The following LRBA variants were observed in gnomAD, a reference collection of about 807,000 sequenced individuals.
The protein encoded by LRBA is LPS responsive beige-like anchor protein.
A neutral mutation model predicts 330.0 loss-of-function variants in LRBA; 176 were observed. The observed-to-expected ratio is 0.53, with a 90% confidence interval of 0.47 to 0.60. LRBA has a LOEUF of 0.60. Among genes scored for constraint, LRBA ranks in the 20% least tolerant of loss-of-function variants. The probability of loss-of-function intolerance (pLI) is 0.00; values close to 1 mark genes in which losing one functional copy is unlikely to be tolerated. For missense variants in LRBA, 3,259 were observed against 3,444.8 expected, an observed-to-expected ratio of 0.95 and a Z score of 1.35; for synonymous variants, 1,230 against 1,193.0, an observed-to-expected ratio of 1.03 and a Z score of -0.64.
Position 150,871,184 on chromosome 4 carries a change from A to G in LRBA, c.2367+161T>C, listed in dbSNP as rs571862072. ...CTTGAACCCGGGAGGTGGAGGTTGC[A>G]GTGAGCCAAGACTGTACCACTGCAC... is the stretch of plus-strand genomic sequence containing the variant. On this transcript the variant is annotated intron_variant, in intron 19 of 56. Coordinates refer to ENST00000651943, the MANE Select transcript of LRBA (RefSeq NM_001364905.1). Among the ~76,000 whole-genome samples, 3 of 152,332 alleles carry G rather than the reference A, an allele frequency of 2.0e-5. No individual in the cohort carries two copies. The East Asian group carries it at 5.8e-4, about 29-fold the overall frequency.
At chr4:150,765,310 T>C in intron 34 of LRBA, among the ~76,000 whole-genome samples, 1 of 152,198 alleles carries the variant, frequency 6.6e-6, no homozygotes, top group African/African-American at 2.4e-5. Context: ...AAAACTACTC[T>C]GCATGAAACT....
At chr4:150,391,853 T>C (rs1349959729) in intron 47 of LRBA, among the ~76,000 whole-genome samples, 1 of 117,018 alleles carries the variant, frequency 8.5e-6, no homozygotes, top group Non-Finnish European at 1.9e-5. Flanking sequence ...AGAATTTATT[T>C]CAGCTCACAC....
chr4:150,346,683 T>A (rs944766037), intron 48 of LRBA, among the ~76,000 whole-genome samples: 5 of 133,354 alleles, frequency 3.7e-5, no homozygotes, highest in Non-Finnish European at 6.1e-5. Context: ...CACTTGAACC[T>A]GGGAGGCGGA....
At chr4:150,509,678 G>A (rs1247782262) in intron 40 of LRBA, among the ~76,000 whole-genome samples, 1 of 150,960 alleles carries the variant, frequency 6.6e-6, no homozygotes, top group Non-Finnish European at 1.5e-5. Flanking sequence ...CCAGAGATTA[G>A]GGAAAAAAAA....
intron 47 of LRBA, among the ~76,000 whole-genome samples, chr4:150,401,764 A>G (rs1021907265): frequency 6.6e-6 from 1 of 152,186 alleles, no homozygotes; most frequent in African/African-American, 2.4e-5. Flanking sequence ...CCCTATTCTT[A>G]GGAGGTACAC....
Position 150,848,967 on chromosome 4 carries a change from C to T in LRBA, c.4190G>A (p.Gly1397Asp). Reference protein sequence around the residue: ...HELENIEPTQGLSIEASVTFL... With the variant: ...HELENIEPTQDLSIEASVTFL... ...TGTCACAGAGGCTTCTATTGAAAGGCCTTGAGTAGGTTCAATATTTTCCAG... is the reference window on the plus strand; with the variant it reads ...TGTCACAGAGGCTTCTATTGAAAGGTCTTGAGTAGGTTCAATATTTTCCAG... Residue 1397 changes from glycine to aspartate, a missense_variant, in exon 26 of 57, where the codon GGC becomes GAC. Physicochemically the swap from Gly to Asp is moderately conservative, Grantham distance 94. Transcript: ENST00000651943. 3.7e-6 allele frequency: 6 copies of T among 1,605,104 alleles called. No homozygotes were observed. The highest frequency in any genetic ancestry group is 3.4e-5 in the South Asian group (3 of 88,844).
intron 22 of LRBA, among the ~76,000 whole-genome samples, chr4:150,866,465 A>C (rs1392954134): frequency 6.6e-6 from 1 of 152,218 alleles, no homozygotes; most frequent in African/African-American, 2.4e-5. Flanking sequence ...CAAAGTGACA[A>C]ATTTTTAAAC....
rs1430922715 is a variant in LRBA, at chr4:150,291,293, A to C, written c.8018-5259T>G. Among the ~76,000 whole-genome samples the C allele has an allele frequency of 2.1e-4, 25 of 118,458 alleles. No homozygotes were observed. In the East Asian group the frequency reaches 6.3e-3, roughly 30 times the overall value. 77.7% of individuals were successfully genotyped at this position (118,458 alleles called of 152,430 possible). On this transcript the variant is annotated intron_variant, in intron 53 of 56. Transcript: ENST00000651943. Reference sequence around the variant, plus strand: ...CATCAGAGTGAACAGGCAACCTACAAAATGGGAGAAAATTTTCGCAACCTA... The same window carrying C: ...CATCAGAGTGAACAGGCAACCTACACAATGGGAGAAAATTTTCGCAACCTA...
chr4:150,807,392 T>G (rs1742952735), intron 32 of LRBA, among the ~76,000 whole-genome samples: 1 of 152,152 alleles, frequency 6.6e-6, no homozygotes, highest in South Asian at 2.1e-4. Flanking sequence ...TCACAAATAC[T>G]AGCTATACTC....
intron 54 of LRBA, among the ~76,000 whole-genome samples, chr4:150,285,519 C>T (rs867624830): frequency 4.6e-5 from 7 of 152,306 alleles, no homozygotes; most frequent in Admixed American, 2.0e-4. Context: ...TAAGACGGAA[C>T]CTGGCCCAGT....
At chr4:151,007,718 G>A (rs900641080) in intron 2 of LRBA, among the ~76,000 whole-genome samples, 2 of 149,612 alleles carry the variant, frequency 1.3e-5, no homozygotes, top group Non-Finnish European at 3.0e-5. Context: ...TTAGCCAGGC[G>A]TGGTGGCGGG....
At chr4:150,475,381 G>T (rs1756595195) in intron 42 of LRBA, among the ~76,000 whole-genome samples, 1 of 152,082 alleles carries the variant, frequency 6.6e-6, no homozygotes, top group Non-Finnish European at 1.5e-5. Flanking sequence ...ATATTTTATT[G>T]CATTAGCCAG....
At position 150,848,916 on chromosome 4, in the gene LRBA, A is replaced by G; in HGVS notation, c.4241T>C (p.Val1414Ala). The change falls in exon 26 of 57, where the codon GTG (valine) becomes GCG (alanine). Residue 1414 changes from valine (V) to alanine (A), a missense_variant. Transcript: ENST00000651943. The part of the protein sequence containing the change: ...VTFLQRLISL[V>A]DVLIFASSLG... ...AGAACTTGCAAATATAAGCACATCC[A>G]CAAGGCTAATTAGCCTCTGCAAAAA... 1 of 1,612,858 alleles carries G rather than the reference A, an allele frequency of 6.2e-7. No individual in the cohort carries two copies. Among genetic ancestry groups the G allele is most frequent in the South Asian group, 1.1e-5 (1 of 90,976 alleles).
chr4:150,405,794 C>T (rs778693602), intron 47 of LRBA, among the ~76,000 whole-genome samples: 2 of 152,160 alleles, frequency 1.3e-5, no homozygotes, highest in African/African-American at 2.4e-5. Flanking sequence ...GTCGCTCATG[C>T]CTATGAGCCC....
At chr4:150,610,053 G>GT (rs547146852) in intron 37 of LRBA, among the ~76,000 whole-genome samples, 5 of 151,746 alleles carry the variant, frequency 3.3e-5, no homozygotes, top group African/African-American at 7.3e-5. Flanking sequence ...CTGATTGTTT[G>GT]TTTTTTTTCT....
chr4:150,570,610 C>T (rs1022532860), intron 40 of LRBA, among the ~76,000 whole-genome samples: 1 of 152,034 alleles, frequency 6.6e-6, no homozygotes, highest in Non-Finnish European at 1.5e-5. Context: ...TTGAGTCATT[C>T]ATTCTCTTTT....
chr4:150,361,606 G>A (rs750464471), intron 47 of LRBA, among the ~76,000 whole-genome samples: 3 of 151,884 alleles, frequency 2.0e-5, no homozygotes, highest in Non-Finnish European at 4.4e-5. Context: ...TTAATATAGG[G>A]TCTTTTTCCT....
chr4:150,956,748 A>T (rs1398751638), intron 2 of LRBA, among the ~76,000 whole-genome samples: 1 of 149,252 alleles, frequency 6.7e-6, no homozygotes, highest in Admixed American at 6.6e-5. Context: ...AATGTGATAC[A>T]CCATAAAATG....
In LRBA at chr4:150,370,498, C is replaced by A. The variant is rs867533109; in HGVS notation, c.7195-20339G>T. 9.9e-5 allele frequency among the ~76,000 whole-genome samples: 15 copies of A among 152,050 alleles called. No homozygotes were observed. In the South Asian group the frequency reaches 3.1e-3, roughly 32 times the overall value. On this transcript the variant is annotated intron_variant, in intron 47 of 56. Coordinates refer to ENST00000651943, the MANE Select transcript of LRBA (RefSeq NM_001364905.1). Reference sequence around the variant, plus strand: ...ATTGGAAAAGGCAAAACTATGGGGACTATAAAAAGATCAGTGGTTGCCAGG... The same window carrying A: ...ATTGGAAAAGGCAAAACTATGGGGAATATAAAAAGATCAGTGGTTGCCAGG...
Sources: allele counts gnomAD v4.1 joint callset (sites outside exome capture counted in the v4.1 genomes callset), GRCh38; gene constraint gnomAD v4.1.1; transcripts MANE v1.5; gene names NCBI Gene and HGNC (gene_info 2026-07-23, HGNC 2026-07-21).